Variants in CBLB observed in about 807,000 individuals in gnomAD.
The protein encoded by CBLB is E3 ubiquitin-protein ligase CBL-B.
Under a neutral mutation model 104.9 loss-of-function variants are expected in CBLB, and 31 were observed. The ratio of observed to expected loss-of-function variants is 0.30; its 90% confidence interval spans 0.22 to 0.40. CBLB has a LOEUF of 0.40. Ranked by LOEUF, CBLB falls within the 10% of genes least tolerant of loss-of-function variation. The pLI, the probability that CBLB is intolerant of heterozygous loss-of-function variation, is 1.00. For synonymous variants in CBLB, 440 were observed against 422.6 expected, an observed-to-expected ratio of 1.04 and a Z score of -0.51; for missense variants, 1,062 against 1,214.6, an observed-to-expected ratio of 0.87 and a Z score of 1.87.
At chr3:105,813,038 TA>T (rs1481464447) in intron 3 of CBLB, among the ~76,000 whole-genome samples, 1 of 152,128 alleles carries the variant, frequency 6.6e-6, no homozygotes, top group Non-Finnish European at 1.5e-5. Flanking sequence ...AGCAGTATGT[TA>T]ATTCAAAAGC....
intron 9 of CBLB, among the ~76,000 whole-genome samples, chr3:105,725,622 G>GCTT (rs2073500385): frequency 6.6e-6 from 1 of 152,074 alleles, no homozygotes; most frequent in Non-Finnish European, 1.5e-5. Context: ...AACTCTCGCA[G>GCTT]CTTCTTTATT....
At chr3:105,816,799 G>A (rs569473913) in intron 3 of CBLB, among the ~76,000 whole-genome samples, 1 of 152,200 alleles carries the variant, frequency 6.6e-6, no homozygotes, top group Non-Finnish European at 1.5e-5. Context: ...GCCCAGCACT[G>A]CTGCGGTGGA....
chr3:105,863,123 TAA>T (rs1460288716), intron 2 of CBLB, among the ~76,000 whole-genome samples: 1 of 152,230 alleles, frequency 6.6e-6, no homozygotes, highest in African/African-American at 2.4e-5. Context: ...CTGTAATATT[TAA>T]AAGACTACTA....
chr3:105,678,510 A>G lies in CBLB; in HGVS notation c.2490T>C (p.His830=), dbSNP rs777160420. The change falls in exon 17 of 19, where the codon CAT becomes CAC. Residue 830 remains histidine (H), a synonymous_variant. Coordinates refer to ENST00000394030, the MANE Select transcript of CBLB (RefSeq NM_170662.5). The part of the protein sequence containing the change: ...SLPPPPPPAR[H]SLIEHSKPPG... ...GAGGTTTTGAATGTTCAATGAGACT[A>G]TGCCTTGCAGGAGGTGGGGGAGGTG... 1.2e-6 allele frequency: 2 copies of G among 1,613,954 alleles called. No homozygotes were observed. The highest frequency in any genetic ancestry group is 1.7e-5 in the Admixed American group (1 of 60,022).
At chr3:105,695,683 C>T (rs1237396217) in intron 12 of CBLB, among the ~76,000 whole-genome samples, 1 of 151,800 alleles carries the variant, frequency 6.6e-6, no homozygotes, top group East Asian at 1.9e-4. Context: ...TGTATAGTAA[C>T]TAAAGGATTT....
intron 6 of CBLB, among the ~76,000 whole-genome samples, chr3:105,743,497 A>T (rs2152888350): frequency 6.6e-6 from 1 of 151,420 alleles, no homozygotes; most frequent in East Asian, 1.9e-4. Flanking sequence ...ATATATATGC[A>T]TATAAAATGA....
intron 10 of CBLB, among the ~76,000 whole-genome samples, chr3:105,705,538 C>G (rs570180307): frequency 1.1e-4 from 17 of 152,188 alleles, no homozygotes; most frequent in African/African-American, 4.1e-4. Context: ...CAGAATGTTT[C>G]TTTATTGGGA....
intron 17 of CBLB, chr3:105,671,961 C>G (rs2065102423): frequency 5.2e-6 from 1 of 191,328 alleles, no homozygotes; most frequent in African/African-American, 2.3e-5. Context: ...TTAGAGAAAC[C>G]AAAGGAAACA....
intron 3 of CBLB, among the ~76,000 whole-genome samples, chr3:105,806,781 G>C (rs535444837): frequency 6.6e-6 from 1 of 152,140 alleles, no homozygotes; most frequent in South Asian, 2.1e-4. Flanking sequence ...TCCGAAAACT[G>C]TTAAAATACT....
At chr3:105,832,700 C>G (rs529804763) in intron 3 of CBLB, among the ~76,000 whole-genome samples, 15 of 152,302 alleles carry the variant, frequency 9.8e-5, no homozygotes, top group Non-Finnish European at 1.6e-4. Flanking sequence ...AAAGGTCTAA[C>G]AATGCCTGCC....
intron 6 of CBLB, among the ~76,000 whole-genome samples, chr3:105,740,920 G>T (rs116028835): frequency 2.9e-4 from 44 of 152,110 alleles, no homozygotes; most frequent in African/African-American, 9.4e-4. Flanking sequence ...TCAGGATGCG[G>T]TGTATGGAAA....
At chr3:105,721,339 T>G (rs113629014) in intron 9 of CBLB, among the ~76,000 whole-genome samples, 178 of 152,254 alleles carry the variant, frequency 1.2e-3, no homozygotes, top group African/African-American at 4.1e-3. Context: ...AACAGTGATG[T>G]TTGGATCAAG....
At chr3:105,701,886 T>C (rs774137654) in intron 12 of CBLB, among the ~76,000 whole-genome samples, 1 of 152,188 alleles carries the variant, frequency 6.6e-6, no homozygotes, top group Non-Finnish European at 1.5e-5. Flanking sequence ...GTCTTCACAT[T>C]AAAATTAAAT....
intron 3 of CBLB, among the ~76,000 whole-genome samples, chr3:105,821,260 A>ATATCTATC (rs10660729): frequency 0.19 from 27,871 of 149,350 alleles, 2,662 homozygotes; most frequent in East Asian, 0.29. Context: ...ATCTATATCT[A>ATATCTATC]TATCTATCTA....
chr3:105,773,197 T>C (rs1429615175), intron 4 of CBLB, among the ~76,000 whole-genome samples: 1 of 152,222 alleles, frequency 6.6e-6, no homozygotes, highest in African/African-American at 2.4e-5. Context: ...CATGGACTAT[T>C]ACTCAGCCAT....
At position 105,868,845 on chromosome 3, in the gene CBLB, C is replaced by G. The variant is rs1367928889; in HGVS notation, c.-124G>C. On this transcript the variant is annotated 5_prime_UTR_variant, in exon 1 of 19. Coordinates refer to ENST00000394030, the MANE Select transcript of CBLB (RefSeq NM_170662.5). ...CGGCTGGGAGTGGGATCGCTGAGAA[C>G]AGCTCGCTCCCGAAGAAGGAGCAAC... is the stretch of plus-strand genomic sequence containing the variant. The G allele has an allele frequency of 9.9e-7, 1 of 1,008,708 alleles. No individual in the cohort carries two copies. Among genetic ancestry groups the G allele is most frequent in the African/African-American group, 1.7e-5 (1 of 57,354 alleles). 62.5% of individuals were successfully genotyped at this position (1,008,708 alleles called of 1,614,324 possible).
intron 6 of CBLB, 118 bp from the exon 7 acceptor site, chr3:105,740,749 C>A: frequency 4.7e-6 from 4 of 856,154 alleles, no homozygotes; most frequent in Non-Finnish European, 7.6e-6. Flanking sequence ...CCTGAATACT[C>A]CTCATATTCT....
At chr3:105,790,872 G>C (rs118050124) in intron 3 of CBLB, among the ~76,000 whole-genome samples, 2 of 152,270 alleles carry the variant, frequency 1.3e-5, no homozygotes, top group East Asian at 3.9e-4. Context: ...ACACATCATA[G>C]ATAGGACCCT....
chr3:105,849,282 C>G (rs1418068882), intron 3 of CBLB, among the ~76,000 whole-genome samples: 2 of 152,096 alleles, frequency 1.3e-5, no homozygotes, highest in Admixed American at 1.3e-4. Context: ...AATGTAAATT[C>G]TGCATAAACA....
Sources: gnomAD v4.1 joint callset for allele counts (sites outside exome capture counted in the v4.1 genomes callset) on GRCh38, gnomAD v4.1.1 for gene constraint, MANE v1.5 for transcripts, NCBI Gene and HGNC (gene_info 2026-07-23, HGNC 2026-07-21) for gene names.